The following ZFHX2 variants were observed in gnomAD, a reference collection of about 807,000 sequenced individuals.
The protein encoded by ZFHX2 is zinc finger homeobox 2.
ZFHX2 carries 75 observed loss-of-function variants against 164.8 expected under a neutral mutation model. That is an observed-to-expected ratio of 0.46 (90% CI 0.38 to 0.55). The LOEUF (loss-of-function observed/expected upper bound fraction) is 0.55, where lower values mean the gene tolerates loss of function less well. Ranked by LOEUF, ZFHX2 falls within the 20% of genes least tolerant of loss-of-function variation. The pLI, the probability that ZFHX2 is intolerant of heterozygous loss-of-function variation, is 0.00. For missense variants in ZFHX2, 2,933 were observed against 3,308.0 expected (o/e 0.89, Z 2.78); for synonymous variants, 1,217 against 1,351.4 (o/e 0.90, Z 2.18).
chr14:23,539,141 G>A (rs573913473), intron 1 of ZFHX2, among the ~76,000 whole-genome samples: 24 of 152,262 alleles, frequency 1.6e-4, no homozygotes, highest in Non-Finnish European at 2.4e-4. Flanking sequence ...GCACTGTTTC[G>A]TCACAAGGCT....
rs1436981335 is a variant in ZFHX2 at position 23,525,296 on chromosome 14, C to T, written c.4646G>A (p.Gly1549Asp). 19 of 1,536,038 alleles carry T rather than the reference C, an allele frequency of 1.2e-5. No homozygotes were observed. The highest frequency in any genetic ancestry group is 1.6e-5 in the Non-Finnish European group (18 of 1,146,880). ...GSLDSPVPHLGPPFLVPEPEA... is the reference protein window; with the variant it reads ...GSLDSPVPHLDPPFLVPEPEA... ...AGGCTCTGGGACCAGGAAGGGTGGGCCCAGATGGGGAACAGGTGAATCCAG... is the reference window on the plus strand; with the variant it reads ...AGGCTCTGGGACCAGGAAGGGTGGGTCCAGATGGGGAACAGGTGAATCCAG... The change falls in exon 9 of 10, where the codon GGC becomes GAC. Residue 1549 changes from glycine to aspartate, a missense_variant. By Grantham distance (94) the Gly-to-Asp change is moderately conservative. Coordinates refer to ENST00000419474, the MANE Select transcript of ZFHX2 (RefSeq NM_033400.3). The surrounding 1 kb of genome is among the most constrained non-coding windows in gnomAD (Gnocchi z 5.9).
At chr14:23,540,584 C>T (rs1880692420) in intron 1 of ZFHX2, among the ~76,000 whole-genome samples, 1 of 152,150 alleles carries the variant, frequency 6.6e-6, no homozygotes, top group South Asian at 2.1e-4. Context: ...TAGATGAGCT[C>T]TATTTTTTAG....
chr14:23,554,038 CAAAAAAAAAA>C (rs61363455), upstream of ZFHX2, among the ~76,000 whole-genome samples: 2 of 36,040 alleles, frequency 5.5e-5, no homozygotes, highest in Non-Finnish European at 6.0e-5. Context: ...GACTCTGTCT[CAAAAAAAAAA>C]AAAAAAAAAA....
At chr14:23,527,884 C>A in intron 6 of ZFHX2, 80 bp from the exon 7 acceptor site, 4 of 1,126,438 alleles carry the variant, frequency 3.6e-6, no homozygotes, top group Non-Finnish European at 5.0e-6. Flanking sequence ...GGATGCAGCA[C>A]TGGCCCGCCC....
In ZFHX2 at chr14:23,533,918, C is replaced by T; in HGVS notation, c.1408G>A (p.Val470Met). 1 of 1,538,090 alleles carries T rather than the reference C, an allele frequency of 6.5e-7. No individual in the cohort carries two copies. The highest frequency in any genetic ancestry group is 8.7e-7 in the Non-Finnish European group (1 of 1,147,144). ...WHYKYQQTLD[V>M]HMREKHPESN... ...TCAGGGTGCTTCTCTCGCATGTGCACATCCAGGGTCTGCTGGTACTTGTAG... is the reference window on the plus strand; with the variant it reads ...TCAGGGTGCTTCTCTCGCATGTGCATATCCAGGGTCTGCTGGTACTTGTAG... The change falls in exon 2 of 10, where the codon GTG becomes ATG. Residue 470 changes from valine to methionine, a missense_variant. Physicochemically the swap from Val to Met is conservative, Grantham distance 21 (BLOSUM62 1). Coordinates refer to ENST00000419474, the MANE Select transcript of ZFHX2 (RefSeq NM_033400.3). This position sits in a 1 kb window ranked among gnomAD's most constrained non-coding sequence, Gnocchi z 4.8.
At chr14:23,544,236 C>T (rs571241128) in intron 1 of ZFHX2, 1 of 139,876 alleles carries the variant, frequency 7.1e-6, no homozygotes, top group South Asian at 2.2e-4. Flanking sequence ...GCCTGGGTGA[C>T]AGAGTGAGAC....
Position 23,531,654 on chromosome 14 carries a change from G to A in ZFHX2, c.2627C>T (p.Ala876Val), listed in dbSNP as rs201801159. 932 of 1,507,378 alleles carry A rather than the reference G, an allele frequency of 6.2e-4. 3 individuals are homozygous for A. The highest frequency in any genetic ancestry group is 7.5e-4 in the Non-Finnish European group (844 of 1,129,570). The allele number at this position is 1,507,378 out of a possible 1,614,324, so 93.4% of individuals were successfully genotyped here. ...AGCCAAGCGGGAGGGTGTCTCCCACGCACACAACAGGCAGTGGTATAGCCC... is the reference window on the plus strand; with the variant it reads ...AGCCAAGCGGGAGGGTGTCTCCCACACACACAACAGGCAGTGGTATAGCCC... ...ELGLYHCLLC[A>V]WETPSRLAVL... is the part of the protein sequence containing the mutation. The change falls in exon 4 of 10, where the codon GCG becomes GTG. Residue 876 changes from alanine to valine, a missense_variant. Physicochemically the swap from Ala to Val is moderately conservative, Grantham distance 64 (BLOSUM62 0). Transcript: ENST00000419474.
Position 23,524,903 on chromosome 14 carries a change from G to C in ZFHX2, c.5039C>G (p.Ser1680Cys). 2 of 1,536,310 alleles carry C rather than the reference G, an allele frequency of 1.3e-6. No homozygotes were observed. Among genetic ancestry groups the C allele is most frequent in the African/African-American group, 1.4e-5 (1 of 73,146 alleles). The change falls in exon 9 of 10, where the codon TCC (serine) becomes TGC (cysteine). Residue 1680 changes from serine (S) to cysteine (C), a missense_variant. By Grantham distance (112) the Ser-to-Cys change is moderately radical. Transcript: ENST00000419474. The surrounding 1 kb of genome is among the most constrained non-coding windows in gnomAD (Gnocchi z 5.6). ...SGCRRCHATFSCVFELVRHLK... is the reference protein window; with the variant it reads ...SGCRRCHATFCCVFELVRHLK... ...GTGGCGCACCAACTCAAAAACACAG[G>C]AGAAAGTGGCGTGGCAACGCCTGCA... is the stretch of plus-strand genomic sequence containing the variant.
chr14:23,524,754 C>T lies in ZFHX2; in HGVS notation c.5188G>A (p.Gly1730Arg), dbSNP rs903616820. The T allele has an allele frequency of 6.1e-5, 93 of 1,536,352 alleles. No individual in the cohort carries two copies. Among genetic ancestry groups the T allele is most frequent in the Non-Finnish European group, 7.4e-5 (85 of 1,146,978 alleles). The change falls in exon 9 of 10, where the codon GGG becomes AGG. Residue 1730 changes from glycine (G) to arginine (R), a missense_variant. By Grantham distance (125) the Gly-to-Arg change is moderately radical (BLOSUM62 -2). Coordinates refer to ENST00000419474, the MANE Select transcript of ZFHX2 (RefSeq NM_033400.3). The surrounding 1 kb of genome is among the most constrained non-coding windows in gnomAD (Gnocchi z 5.6). ...GGCTCTGGTAATGGGCCCTCAGGCC[C>T]TGCTGGAGGTTCAAGGCCCTGTTCC... ...EEEQGLEPPA[G>R]PEGPLPEPPD...
In ZFHX2 at chr14:23,534,771, G is replaced by T. The variant is rs1403118473; in HGVS notation, c.555C>A (p.Asp185Glu). 1 of 1,536,212 alleles carries T rather than the reference G, an allele frequency of 6.5e-7. No homozygotes were observed. The highest frequency in any genetic ancestry group is 8.7e-7 in the Non-Finnish European group (1 of 1,146,908). ...FDPIQGFSSS[D>E]QILSHDTSAP... is the part of the protein sequence containing the mutation. The stretch of plus-strand genomic sequence containing the variant: ...CTGAGGTATCATGGGACAGAATTTG[G>T]TCAGAAGAGCTAAAGCCTTGGATTG... The change falls in exon 2 of 10, where the codon GAC becomes GAA. Residue 185 changes from aspartate (D) to glutamate (E), a missense_variant. Asp to Glu is a conservative substitution (Grantham distance 45). Transcript: ENST00000419474. This position sits in a 1 kb window ranked among gnomAD's most constrained non-coding sequence, Gnocchi z 4.5.
upstream of ZFHX2, among the ~76,000 whole-genome samples, chr14:23,555,120 T>TG (rs1426283016): frequency 2.6e-5 from 4 of 152,244 alleles, 1 homozygote; most frequent in Middle Eastern, 0.01. Context: ...CTGGAGTAGC[T>TG]GGGAACACAA....
chr14:23,539,884 C>T (rs1220423189), intron 1 of ZFHX2, among the ~76,000 whole-genome samples: 1 of 152,224 alleles, frequency 6.6e-6, no homozygotes, highest in Non-Finnish European at 1.5e-5. Context: ...AACAAAACTC[C>T]TTTTTCTCCA....
rs188788069 is a variant in ZFHX2 at position 23,545,599 on chromosome 14, C to G, written c.-50+5744G>C. On this transcript the variant is annotated intron_variant, in intron 1 of 9. Coordinates refer to ENST00000419474, the MANE Select transcript of ZFHX2 (RefSeq NM_033400.3). ...CCTTCCCTGGCCTTCTCTCTAATTT[C>G]AAGTGCACTTCTTTCCCTAAAGCAG... is the stretch of plus-strand genomic sequence containing the variant. Among the ~76,000 whole-genome samples the G allele has an allele frequency of 1.4e-4, 22 of 152,334 alleles. No individual in the cohort carries two copies. In the East Asian group the frequency reaches 3.9e-3, roughly 27 times the overall value.
intron 1 of ZFHX2, among the ~76,000 whole-genome samples, chr14:23,550,132 C>T (rs1197265420): frequency 6.6e-6 from 1 of 152,180 alleles, no homozygotes; most frequent in Non-Finnish European, 1.5e-5. Context: ...CGCATGAGAC[C>T]AGAAGGTGAG....
intron 3 of ZFHX2, 89 bp downstream of exon 3, chr14:23,532,478 G>T (rs1425664840): frequency 1.1e-5 from 15 of 1,380,492 alleles, no homozygotes; most frequent in Admixed American, 3.4e-5. Flanking sequence ...GTCACCCAGG[G>T]TTTTCCTATC....
chr14:23,531,489 C>T lies in ZFHX2; in HGVS notation c.2792G>A (p.Arg931Gln), dbSNP rs548580249. 524 of 1,418,214 alleles carry T rather than the reference C, an allele frequency of 3.7e-4. 2 individuals are homozygous for T. Among genetic ancestry groups the T allele is most frequent in the Admixed American group, 9.1e-4 (37 of 40,646 alleles). The allele number at this position is 1,418,214 out of a possible 1,614,324, so 87.9% of individuals were successfully genotyped here. The change falls in exon 4 of 10, where the codon CGG becomes CAG. Residue 931 changes from arginine to glutamine, a missense_variant. Physicochemically the swap from Arg to Gln is conservative, Grantham distance 43. Transcript: ENST00000419474. ...SILSFSHGQL[R>Q]TPGKAPVTPL... ...AGTCCCTTCTTCCTCACCGGGAGTC[C>T]GGAGCTGCCCGTGGCTGAAGCTCAG...
chr14:23,528,653 C>T (rs1479335644), intron 6 of ZFHX2: 1 of 985,442 alleles, frequency 1.0e-6, no homozygotes, highest in East Asian at 1.1e-4. Flanking sequence ...GCCAGCTCAT[C>T]CTCCCTCAGG....
intron 6 of ZFHX2, chr14:23,529,425 A>G: frequency 2.6e-6 from 1 of 391,892 alleles, no homozygotes; most frequent in Non-Finnish European, 4.7e-6. Context: ...TCCAGCATGT[A>G]CCCCCACTCT....
chr14:23,548,122 C>G (rs1881579094), intron 1 of ZFHX2, among the ~76,000 whole-genome samples: 1 of 152,196 alleles, frequency 6.6e-6, no homozygotes. Flanking sequence ...ATTACACTTT[C>G]AACAACTCTC....
Sources: allele counts gnomAD v4.1 joint callset (sites outside exome capture counted in the v4.1 genomes callset), GRCh38; gene constraint gnomAD v4.1.1; non-coding constraint Gnocchi (gnomAD v3.1); transcripts MANE v1.5; gene names NCBI Gene and HGNC (gene_info 2026-07-23, HGNC 2026-07-21).